Variants in XKR6 observed in about 807,000 individuals in gnomAD.
XKR6 encodes XK related 6, also known as XK-related protein 6.
A neutral mutation model predicts 56.7 loss-of-function variants in XKR6; 22 were observed. The observed-to-expected ratio is 0.39, with a 90% CI of 0.28 to 0.55. XKR6 has a LOEUF of 0.55. XKR6 is among the 20% of genes least tolerant of loss of function. XKR6 has a pLI of 0.66. For synonymous variants in XKR6, 524 were observed against 387.8 expected (o/e 1.35, Z -4.13); for missense variants, 852 against 889.0 (o/e 0.96, Z 0.53).
At chr8:11,032,804 A>G (rs1456243313) in intron 1 of XKR6, among the ~76,000 whole-genome samples, 2 of 152,182 alleles carry the variant, frequency 1.3e-5, no homozygotes, top group Non-Finnish European at 2.9e-5. Flanking sequence ...AAGGCTCCTG[A>G]GAAGACTAAA....
intron 1 of XKR6, among the ~76,000 whole-genome samples, chr8:11,093,275 G>C (rs1014513628): frequency 1.3e-5 from 2 of 152,066 alleles, no homozygotes; most frequent in African/African-American, 2.4e-5. Flanking sequence ...GGCTAGTGTC[G>C]AACTCCTGAC....
chr8:11,037,370 T>G (rs370253285), intron 1 of XKR6, among the ~76,000 whole-genome samples: 130 of 152,240 alleles, frequency 8.5e-4, no homozygotes, highest in Middle Eastern at 3.4e-3. Flanking sequence ...AGACTACAGG[T>G]GCACATCACC....
intron 1 of XKR6, among the ~76,000 whole-genome samples, chr8:10,927,895 A>C (rs374202753): frequency 6.6e-6 from 1 of 152,262 alleles, no homozygotes; most frequent in Middle Eastern, 3.4e-3. Context: ...TTTGGACAGC[A>C]TGGTGCCTCC....
intron 1 of XKR6, among the ~76,000 whole-genome samples, chr8:10,954,814 T>C (rs1021997034): frequency 2.0e-5 from 2 of 98,490 alleles, no homozygotes; most frequent in Non-Finnish European, 4.0e-5. Flanking sequence ...TCTATGATGA[T>C]TTTGACTTGT....
At chr8:10,983,998 C>A (rs1797795339) in intron 1 of XKR6, among the ~76,000 whole-genome samples, 1 of 152,058 alleles carries the variant, frequency 6.6e-6, no homozygotes, top group Admixed American at 6.6e-5. Context: ...TGACATCAAA[C>A]TCCCCAAAAT....
At chr8:10,910,763 T>C (rs901036699) in intron 2 of XKR6, among the ~76,000 whole-genome samples, 1 of 152,204 alleles carries the variant, frequency 6.6e-6, no homozygotes, top group Non-Finnish European at 1.5e-5. Flanking sequence ...CTGTTCTTTT[T>C]AAGATTCTGT....
chr8:10,899,248 A>G (rs908483082), intron 2 of XKR6, among the ~76,000 whole-genome samples: 5 of 152,226 alleles, frequency 3.3e-5, no homozygotes, highest in African/African-American at 1.2e-4. Flanking sequence ...TTAAGGAATC[A>G]TGCGATTCTT....
intron 1 of XKR6, among the ~76,000 whole-genome samples, chr8:11,128,621 T>A (rs768479013): frequency 1.3e-5 from 2 of 152,234 alleles, no homozygotes; most frequent in Non-Finnish European, 2.9e-5. Flanking sequence ...GTACCCGCAG[T>A]ACTCTACTGT....
intron 1 of XKR6, among the ~76,000 whole-genome samples, chr8:11,069,032 G>C (rs952470953): frequency 6.6e-6 from 1 of 152,090 alleles, no homozygotes; most frequent in Non-Finnish European, 1.5e-5. Flanking sequence ...TAACTTACAA[G>C]AGTGATTACC....
At chr8:11,164,074 G>A (rs1410682641) in intron 1 of XKR6, among the ~76,000 whole-genome samples, 1 of 152,158 alleles carries the variant, frequency 6.6e-6, no homozygotes, top group African/African-American at 2.4e-5. Flanking sequence ...TGCCTACAGT[G>A]GGGAAGATAA....
intron 1 of XKR6, among the ~76,000 whole-genome samples, chr8:10,930,611 G>C (rs1046282458): frequency 2.0e-5 from 3 of 152,142 alleles, no homozygotes; most frequent in African/African-American, 7.2e-5. Flanking sequence ...GAACCAACTG[G>C]GGTTTATCCT....
At chr8:11,087,184 G>C (rs1586526608) in intron 1 of XKR6, among the ~76,000 whole-genome samples, 1 of 152,146 alleles carries the variant, frequency 6.6e-6, no homozygotes, top group Admixed American at 6.5e-5. Context: ...TAACACCACA[G>C]TGTGAGGCTT....
At position 10,898,615 on chromosome 8, in the gene XKR6, C is replaced by T. The variant is rs1799953435; in HGVS notation, c.1263G>A (p.Val421=). 2.5e-6 allele frequency: 4 copies of T among 1,614,146 alleles called. No individual in the cohort carries two copies. Among genetic ancestry groups the T allele is most frequent in the Non-Finnish European group, 3.4e-6 (4 of 1,180,028 alleles). ...SKWEEILFNM[V]VGIVYIFCWF... ...AGCAGAAAATGTACACGATCCCTACCACCATGTTGAAGAGGATCTCCTCCC... is the reference window on the plus strand; with the variant it reads ...AGCAGAAAATGTACACGATCCCTACTACCATGTTGAAGAGGATCTCCTCCC... The change falls in exon 3 of 3, where the codon GTG becomes GTA. Residue 421 remains valine, a synonymous_variant. Coordinates refer to ENST00000416569, the MANE Select transcript of XKR6 (RefSeq NM_173683.4). The surrounding 1 kb of genome is among the most constrained non-coding windows in gnomAD (Gnocchi z 6.6).
rs113888015 is a variant in XKR6, at chr8:11,007,359, C to T, written c.765-82529G>A. 1.2e-3 allele frequency among the ~76,000 whole-genome samples: 177 copies of T among 152,264 alleles called. 2 individuals are homozygous for T. Among genetic ancestry groups the T allele is most frequent in the African/African-American group, 4.0e-3 (168 of 41,540 alleles). On this transcript the variant is annotated intron_variant, in intron 1 of 2. Transcript: ENST00000416569. The stretch of plus-strand genomic sequence containing the variant: ...AGCCAAGTGCATCTTAAGCAATATC[C>T]CTGCCTCAAGACTAGGGGCTAATGT...
rs868365354 is a variant in XKR6 at position 11,059,619 on chromosome 8, G to C, written c.765-134789C>G. Among the ~76,000 whole-genome samples the C allele has an allele frequency of 1.3e-3, 192 of 151,434 alleles. 2 individuals carry two copies. In the Middle Eastern group the frequency reaches 0.014, roughly 11 times the overall value. ...GTGGAGGAGGAGCAGGGCGCTGGGG[G>C]CGCGGGGGGCGCGGGGCGGGGCGGG... On this transcript the variant is annotated intron_variant, in intron 1 of 2. Transcript: ENST00000416569.
chr8:10,953,309 C>T (rs1317999406), intron 1 of XKR6, among the ~76,000 whole-genome samples: 7 of 152,138 alleles, frequency 4.6e-5, no homozygotes, highest in Non-Finnish European at 1.0e-4. Context: ...TGAGTGAATT[C>T]TCTGGAGATC....
intron 1 of XKR6, among the ~76,000 whole-genome samples, chr8:10,927,735 G>A (rs774150834): frequency 1.4e-4 from 22 of 152,178 alleles, no homozygotes; most frequent in African/African-American, 1.9e-4. Context: ...CCTGCCAGGA[G>A]GAGCCAATCT....
intron 1 of XKR6, among the ~76,000 whole-genome samples, chr8:10,994,017 A>C (rs776171348): frequency 6.6e-6 from 1 of 152,088 alleles, no homozygotes; most frequent in Non-Finnish European, 1.5e-5. Flanking sequence ...TGTTTCAGTT[A>C]CCTTCAGTAG....
chr8:10,940,841 G>A (rs1383831298), intron 1 of XKR6, among the ~76,000 whole-genome samples: 1 of 152,176 alleles, frequency 6.6e-6, no homozygotes, highest in Non-Finnish European at 1.5e-5. Flanking sequence ...TATGTGGTAG[G>A]TGCTGTGACC....
Sources: allele counts gnomAD v4.1 joint callset (sites outside exome capture counted in the v4.1 genomes callset), GRCh38; gene constraint gnomAD v4.1.1; non-coding constraint Gnocchi (gnomAD v3.1); transcripts MANE v1.5; gene names NCBI Gene and HGNC (gene_info 2026-07-23, HGNC 2026-07-21).